Variants in PCDH9 observed in about 807,000 individuals in gnomAD.
PCDH9 encodes the protein protocadherin-9.
PCDH9 carries 24 observed loss-of-function variants against 70.6 expected under a neutral mutation model. The ratio of observed to expected loss-of-function variants is 0.34; its 90% CI spans 0.25 to 0.48. The LOEUF (loss-of-function observed/expected upper bound fraction) is 0.48. Ranked by LOEUF, PCDH9 falls within the 20% of genes least tolerant of loss-of-function variation. PCDH9 has a pLI of 0.99. For missense variants in PCDH9, 1,281 were observed against 1,503.6 expected (o/e 0.85, Z 2.45); for synonymous variants, 562 against 558.5 (o/e 1.01, Z -0.09).
chr13:66,816,684 A>G (rs1359605896), intron 3 of PCDH9, among the ~76,000 whole-genome samples: 2 of 152,118 alleles, frequency 1.3e-5, no homozygotes, highest in African/African-American at 4.8e-5. Context: ...GCACTTTGGG[A>G]GGCCAAGGCA....
intron 2 of PCDH9, among the ~76,000 whole-genome samples, chr13:67,018,803 C>T (rs773984264): frequency 1.3e-5 from 2 of 152,084 alleles, no homozygotes; most frequent in Non-Finnish European, 2.9e-5. Context: ...AATGCATCCT[C>T]GCATACTGAC....
intron 3 of PCDH9, chr13:66,782,650 C>A (rs189312540): frequency 6.6e-6 from 1 of 152,172 alleles, no homozygotes; most frequent in Admixed American, 6.5e-5. Flanking sequence ...AATTTATTTT[C>A]GCCATTCCTT....
chr13:66,361,272 G>A (rs564750930), intron 4 of PCDH9, among the ~76,000 whole-genome samples: 1 of 152,182 alleles, frequency 6.6e-6, no homozygotes, highest in Middle Eastern at 3.4e-3. Context: ...AGTAAAATAA[G>A]TTTCTATCCA....
At chr13:67,067,270 T>C (rs900405496) in intron 2 of PCDH9, among the ~76,000 whole-genome samples, 5 of 152,212 alleles carry the variant, frequency 3.3e-5, no homozygotes, top group African/African-American at 7.2e-5. Context: ...ATGCCACATA[T>C]ATAATTTTTA....
At chr13:66,316,002 C>T (rs1301388805) in intron 4 of PCDH9, among the ~76,000 whole-genome samples, 3 of 152,184 alleles carry the variant, frequency 2.0e-5, no homozygotes, top group African/African-American at 7.2e-5. Context: ...AGGGCTGGTT[C>T]CTTCTAGAAA....
chr13:66,985,912 CAT>C (rs1318479635), intron 2 of PCDH9: 1 of 151,980 alleles, frequency 6.6e-6, no homozygotes, highest in Non-Finnish European at 1.5e-5. Context: ...AATCAGTAGT[CAT>C]TATATCCATT....
intron 2 of PCDH9, among the ~76,000 whole-genome samples, chr13:67,167,467 T>G (rs186674675): frequency 5.6e-4 from 85 of 152,302 alleles, no homozygotes; most frequent in African/African-American, 1.6e-3. Flanking sequence ...AAATTACTCT[T>G]TTATTGGGAG....
At chr13:66,910,885 C>G (rs912938570) in intron 2 of PCDH9, among the ~76,000 whole-genome samples, 5 of 152,144 alleles carry the variant, frequency 3.3e-5, no homozygotes, top group African/African-American at 1.2e-4. Context: ...TTGTCCATTT[C>G]CTGAGAATGC....
At chr13:67,081,276 A>T (rs1323798058) in intron 2 of PCDH9, among the ~76,000 whole-genome samples, 1 of 152,100 alleles carries the variant, frequency 6.6e-6, no homozygotes, top group Non-Finnish European at 1.5e-5. Flanking sequence ...GTTTTGTGAA[A>T]CAGTTAATAA....
intron 3 of PCDH9, among the ~76,000 whole-genome samples, chr13:66,723,258 C>T (rs2078965356): frequency 6.6e-6 from 1 of 151,798 alleles, no homozygotes; most frequent in Non-Finnish European, 1.5e-5. Context: ...AACAAACAAA[C>T]AACAACAAAA....
At chr13:66,525,130 C>T (rs9592478) in intron 4 of PCDH9, among the ~76,000 whole-genome samples, 54 of 152,172 alleles carry the variant, frequency 3.5e-4, no homozygotes, top group Non-Finnish European at 7.1e-4. Flanking sequence ...ACTTCCAGTT[C>T]TCCCTTGTCG....
At chr13:66,570,104 A>T (rs970501640) in intron 4 of PCDH9, among the ~76,000 whole-genome samples, 1 of 152,168 alleles carries the variant, frequency 6.6e-6, no homozygotes, top group Non-Finnish European at 1.5e-5. Context: ...TGATACATTC[A>T]ACCACTTGGA....
intron 3 of PCDH9, among the ~76,000 whole-genome samples, chr13:66,723,294 T>C (rs1451894287): frequency 6.6e-6 from 1 of 152,134 alleles, no homozygotes; most frequent in Non-Finnish European, 1.5e-5. Context: ...CCCCTCCAGA[T>C]CTCTGAAAGA....
At chr13:67,051,382 A>ATGTTTTTTTT (rs2085320242) in intron 2 of PCDH9, among the ~76,000 whole-genome samples, 1 of 70,996 alleles carries the variant, frequency 1.4e-5, no homozygotes, top group African/African-American at 6.3e-5. Flanking sequence ...ACAATACAAG[A>ATGTTTTTTTT]TTTTTTTTTT....
intron 3 of PCDH9, among the ~76,000 whole-genome samples, chr13:66,688,804 C>T (rs1228795892): frequency 6.6e-6 from 1 of 152,170 alleles, no homozygotes; most frequent in East Asian, 1.9e-4. Flanking sequence ...GAACTATTAC[C>T]TCATTTCCCT....
intron 3 of PCDH9, among the ~76,000 whole-genome samples, chr13:66,732,697 T>A (rs1183081902): frequency 1.3e-5 from 2 of 152,108 alleles, no homozygotes; most frequent in Non-Finnish European, 2.9e-5. Flanking sequence ...ATTATGTTCA[T>A]GTAAGGCTCA....
At chr13:66,890,613 A>T (rs1180511667) in intron 3 of PCDH9, among the ~76,000 whole-genome samples, 1 of 152,048 alleles carries the variant, frequency 6.6e-6, no homozygotes, top group Non-Finnish European at 1.5e-5. Flanking sequence ...ATTCATCAAG[A>T]AAGATAGCAC....
At chr13:67,199,128 C>T (rs1470245035) in intron 2 of PCDH9, among the ~76,000 whole-genome samples, 1 of 151,408 alleles carries the variant, frequency 6.6e-6, no homozygotes, top group African/African-American at 2.4e-5. Flanking sequence ...ATGCTTGGAT[C>T]ATTTTCAATC....
chr13:67,170,882 G>T (rs911059200), intron 2 of PCDH9, among the ~76,000 whole-genome samples: 4 of 152,022 alleles, frequency 2.6e-5, no homozygotes, highest in Admixed American at 2.6e-4. Flanking sequence ...CCAAGATTGC[G>T]CCACTGCACT....
Sources: allele counts gnomAD v4.1 joint callset (sites outside exome capture counted in the v4.1 genomes callset), GRCh38; gene constraint gnomAD v4.1.1; transcripts MANE v1.5; gene names NCBI Gene and HGNC (gene_info 2026-07-23, HGNC 2026-07-21).